Variants in NPAS3 observed in about 807,000 individuals in gnomAD.
NPAS3 encodes the protein neuronal PAS domain-containing protein 3.
NPAS3 carries 14 observed loss-of-function variants against 73.1 expected under a neutral mutation model. The ratio of observed to expected loss-of-function variants is 0.19; its 90% CI spans 0.13 to 0.30. The LOEUF (loss-of-function observed/expected upper bound fraction) is 0.30, where lower values mean the gene tolerates loss of function less well. Among genes scored for constraint, NPAS3 ranks in the 10% least tolerant of loss-of-function variants. The pLI, the probability that NPAS3 is intolerant of heterozygous loss-of-function variation, is 1.00. For synonymous variants in NPAS3, 620 were observed against 541.5 expected, an observed-to-expected ratio of 1.14 and a Z score of -2.01; for missense variants, 1,096 against 1,250.0, an observed-to-expected ratio of 0.88 and a Z score of 1.86.
chr14:33,250,144 C>T (rs1202426743), intron 3 of NPAS3, among the ~76,000 whole-genome samples: 1 of 151,952 alleles, frequency 6.6e-6, no homozygotes, highest in Non-Finnish European at 1.5e-5. Flanking sequence ...TGAAATGTGC[C>T]TAAATAACAT....
chr14:32,957,167 G>A (rs1009620020), intron 1 of NPAS3, among the ~76,000 whole-genome samples: 2 of 151,960 alleles, frequency 1.3e-5, no homozygotes, highest in African/African-American at 4.8e-5. Flanking sequence ...TCTATACTAT[G>A]CTCTTCTTCC....
At chr14:33,450,051 G>T (rs1460555895) in intron 4 of NPAS3, among the ~76,000 whole-genome samples, 1 of 152,164 alleles carries the variant, frequency 6.6e-6, no homozygotes. Context: ...AAACTTACTC[G>T]GCAGTATGTA....
intron 4 of NPAS3, among the ~76,000 whole-genome samples, chr14:33,507,136 G>A (rs2052804864): frequency 6.6e-6 from 1 of 151,936 alleles, no homozygotes; most frequent in African/African-American, 2.4e-5. Context: ...ATGAGCATGT[G>A]GAGTTTGTCA....
intron 2 of NPAS3, among the ~76,000 whole-genome samples, chr14:33,177,109 T>TATTATCATC (rs1354243278): frequency 4.1e-5 from 6 of 145,160 alleles, no homozygotes; most frequent in African/African-American, 1.3e-4. Flanking sequence ...TTATTATTAT[T>TATTATCATC]ATCTTTGAGA....
chr14:33,747,145 T>C (rs1227643482), intron 7 of NPAS3, among the ~76,000 whole-genome samples: 6 of 151,852 alleles, frequency 4.0e-5, no homozygotes, highest in Admixed American at 2.6e-4. Context: ...ACACGTATGT[T>C]TACTGCAGCA....
chr14:33,257,412 A>G (rs1235985779), intron 3 of NPAS3, among the ~76,000 whole-genome samples: 1 of 151,948 alleles, frequency 6.6e-6, no homozygotes, highest in African/African-American at 2.4e-5. Flanking sequence ...TTCTCCCTGG[A>G]CTTACCCTAC....
At chr14:33,350,847 A>T (rs918768193) in intron 3 of NPAS3, among the ~76,000 whole-genome samples, 1 of 152,212 alleles carries the variant, frequency 6.6e-6, no homozygotes, top group East Asian at 1.9e-4. Context: ...ACTTTCCCTT[A>T]GGACTGATTT....
chr14:33,308,384 T>TCACA (rs920018426), intron 3 of NPAS3, among the ~76,000 whole-genome samples: 1 of 151,906 alleles, frequency 6.6e-6, no homozygotes, highest in African/African-American at 2.4e-5. Context: ...AAGCTTGGCT[T>TCACA]CACACAATAG....
At chr14:33,022,633 C>T (rs1031177903) in intron 1 of NPAS3, among the ~76,000 whole-genome samples, 2 of 145,296 alleles carry the variant, frequency 1.4e-5, no homozygotes, top group Non-Finnish European at 3.0e-5. Flanking sequence ...CCACCGCACT[C>T]CAGCCTGGGC....
intron 2 of NPAS3, among the ~76,000 whole-genome samples, chr14:33,094,047 A>G (rs2042321508): frequency 6.6e-6 from 1 of 152,060 alleles, no homozygotes; most frequent in African/African-American, 2.4e-5. Flanking sequence ...CAGCACACCA[A>G]CATGGCACAT....
intron 5 of NPAS3, among the ~76,000 whole-genome samples, chr14:33,586,622 A>G (rs1285075220): frequency 6.6e-6 from 1 of 152,180 alleles, no homozygotes; most frequent in Non-Finnish European, 1.5e-5. Context: ...CTTTTAGAAA[A>G]CTAAGAATTA....
chr14:32,939,623 C>CAAAAAAAAAAAAAAAA (rs752795909), intron 1 of NPAS3, among the ~76,000 whole-genome samples: 1 of 110,298 alleles, frequency 9.1e-6, no homozygotes, highest in Non-Finnish European at 1.8e-5. Context: ...GACTCACTGA[C>CAAAAAAAAAAAAAAAA]AAAAAAAAAA....
At chr14:33,575,794 T>C (rs2056409701) in intron 5 of NPAS3, among the ~76,000 whole-genome samples, 1 of 152,224 alleles carries the variant, frequency 6.6e-6, no homozygotes, top group Admixed American at 6.5e-5. Flanking sequence ...TCTACTCTAG[T>C]AATGATTTTG....
At chr14:33,470,947 A>AAAG (rs2050753212) in intron 4 of NPAS3, among the ~76,000 whole-genome samples, 1 of 151,796 alleles carries the variant, frequency 6.6e-6, no homozygotes, top group African/African-American at 2.4e-5. Context: ...AAAAAAAAAA[A>AAAG]AGAATGTTCT....
chr14:33,605,800 T>C (rs1222627622), intron 5 of NPAS3, among the ~76,000 whole-genome samples: 1 of 152,156 alleles, frequency 6.6e-6, no homozygotes, highest in Non-Finnish European at 1.5e-5. Context: ...CTCCCTAACA[T>C]TGATCTATAG....
Position 33,800,059 on chromosome 14 carries a change from C to G in NPAS3, c.1752C>G (p.Asp584Glu), listed in dbSNP as rs538895297. The change falls in exon 12 of 12, where the codon GAC becomes GAG. Residue 584 changes from aspartate (D) to glutamate (E), a missense_variant. Coordinates refer to ENST00000356141, the Ensembl canonical transcript of NPAS3. The surrounding 1 kb of genome is among the most constrained non-coding windows in gnomAD (Gnocchi z 6.5). Reference sequence around the variant, plus strand: ...CGTCCGACAGCGCCAAGGACTCGGACAGCGCAGGCGAGGCGGGCGCGCAGG... The same window carrying G: ...CGTCCGACAGCGCCAAGGACTCGGAGAGCGCAGGCGAGGCGGGCGCGCAGG... 1 of 1,605,452 alleles carries G rather than the reference C, an allele frequency of 6.2e-7. No individual in the cohort carries two copies. The highest frequency in any genetic ancestry group is 8.5e-7 in the Non-Finnish European group (1 of 1,178,462).
intron 1 of NPAS3, among the ~76,000 whole-genome samples, chr14:33,037,532 G>A (rs1275670301): frequency 1.3e-5 from 2 of 151,864 alleles, no homozygotes; most frequent in Non-Finnish European, 2.9e-5. Context: ...TTGGTGTGGT[G>A]TTGCACACCT....
chr14:33,264,629 T>A (rs1209843744), intron 3 of NPAS3, among the ~76,000 whole-genome samples: 1 of 152,172 alleles, frequency 6.6e-6, no homozygotes, highest in East Asian at 1.9e-4. Context: ...CTAGGGATAT[T>A]TGGGGAAGTG....
chr14:33,567,812 T>C (rs767595192), intron 5 of NPAS3, among the ~76,000 whole-genome samples: 4 of 152,318 alleles, frequency 2.6e-5, no homozygotes, highest in Non-Finnish European at 5.9e-5. Flanking sequence ...GTCTTCAGAG[T>C]AGACCACTAT....
Sources: allele counts gnomAD v4.1 joint callset (sites outside exome capture counted in the v4.1 genomes callset), GRCh38; gene constraint gnomAD v4.1.1; non-coding constraint Gnocchi (gnomAD v3.1); transcripts MANE v1.5; gene names NCBI Gene and HGNC (gene_info 2026-07-23, HGNC 2026-07-21).